Variants in F8 observed in about 807,000 individuals in gnomAD.
F8 encodes the protein antihemophilic factor.
Under a neutral mutation model 140.6 loss-of-function variants are expected in F8, and 12 were observed. That is an observed-to-expected ratio of 0.09 (90% CI 0.05 to 0.14). The LOEUF (loss-of-function observed/expected upper bound fraction) is 0.14, where lower values mean the gene tolerates loss of function less well. Among genes scored for constraint, F8 ranks in the 10% least tolerant of loss-of-function variants. F8 has a pLI of 1.00. For synonymous variants in F8, 585 were observed against 614.6 expected (o/e 0.95, Z 0.71); for missense variants, 1,354 against 1,720.7 (o/e 0.79, Z 3.77).
chrX:154,855,371 G>A (rs782365205), intron 25 of F8, among the ~76,000 whole-genome samples: 1 of 111,421 alleles, frequency 9.0e-6, no homozygotes, highest in Non-Finnish European at 1.9e-5. Context: ...ATGCCCTGAA[G>A]GAGACCCTTA....
chrX:154,985,969 G>A (rs1477722700), intron 5 of F8, among the ~76,000 whole-genome samples: 1 of 112,489 alleles, frequency 8.9e-6, no homozygotes, highest in Non-Finnish European at 1.9e-5. Flanking sequence ...GATATAGTAT[G>A]ATAAGGAATA....
At position 154,896,506 on chromosome X, in the gene F8, TACACACACACACAC is replaced by T. The variant is rs57253105; in HGVS notation, c.6274-288_6274-275del. The stretch of plus-strand genomic sequence containing the variant: ...ACCAAATCATTGAGCCCCCATTTCG[TACACACACACACAC>T]ACACACACACACACACATACACACA... On this transcript the variant is annotated intron_variant, in intron 21 of 25. Coordinates refer to ENST00000360256, the MANE Select transcript of F8 (RefSeq NM_000132.4). 5.2e-3 allele frequency among the ~76,000 whole-genome samples: 515 copies of T among 98,997 alleles called. 2 individuals are homozygous for T. The highest frequency in any genetic ancestry group is 0.018 in the African/African-American group (481 of 27,172). 86.0% of individuals were successfully genotyped at this position (98,997 alleles called of 115,157 possible).
At chrX:155,007,671 C>T (rs1360612760) in intron 1 of F8, among the ~76,000 whole-genome samples, 1 of 112,349 alleles carries the variant, frequency 8.9e-6, no homozygotes, top group Non-Finnish European at 1.9e-5. Context: ...CATAGGAGTG[C>T]GAATGCTACT....
chrX:154,910,013 G>C (rs2073057099), intron 14 of F8, among the ~76,000 whole-genome samples: 1 of 111,821 alleles, frequency 8.9e-6, no homozygotes, highest in Non-Finnish European at 1.9e-5. Context: ...GACTGTTACT[G>C]TGTCTATGTA....
At position 154,961,182 on chromosome X, in the gene F8, C is replaced by A. The variant is rs782450685; in HGVS notation, c.1444-14G>T. On this transcript the variant is annotated splice_polypyrimidine_tract_variant and intron_variant, in intron 9 of 25. Transcript: ENST00000360256. ...CTTAAATATAATCTGAAAGTATAAG[C>A]GAGATCTAAGATCAAATCCTAAAAC... 1.3e-5 allele frequency: 14 copies of A among 1,092,148 alleles called. No homozygotes were observed. The highest frequency in any genetic ancestry group is 1.7e-5 in the Non-Finnish European group (13 of 787,791). The allele number at this position is 1,092,148 out of a possible 1,213,427, so 90.0% of individuals were successfully genotyped here.
intron 25 of F8, among the ~76,000 whole-genome samples, chrX:154,843,756 T>A (rs184214075): frequency 4.5e-5 from 5 of 112,134 alleles, no homozygotes; most frequent in Admixed American, 2.8e-4. Context: ...TTCACTGGGA[T>A]GGTAGTTTCT....
intron 21 of F8, among the ~76,000 whole-genome samples, 158 bp downstream of exon 21, chrX:154,899,708 C>T (rs2073000112): frequency 8.9e-6 from 1 of 112,079 alleles, no homozygotes; most frequent in African/African-American, 3.2e-5. Context: ...AATTCTATCC[C>T]CATATCTCTT....
In F8 at chrX:154,860,844, G is replaced by A. The variant is rs148420761; in HGVS notation, c.6724-236C>T. Among the ~76,000 whole-genome samples, 907 of 110,665 alleles carry A rather than the reference G, an allele frequency of 8.2e-3. 8 individuals are homozygous for A. Among genetic ancestry groups the A allele is most frequent in the African/African-American group, 0.028 (858 of 30,418 alleles). Reference sequence around the variant, plus strand: ...TTCCCGAGTAGCTGTGGTTACAGGTGCCCACCACCATGTCCAGATAATTTT... The same window carrying A: ...TTCCCGAGTAGCTGTGGTTACAGGTACCCACCACCATGTCCAGATAATTTT... On this transcript the variant is annotated intron_variant, in intron 24 of 25. Coordinates refer to ENST00000360256, the MANE Select transcript of F8 (RefSeq NM_000132.4).
At chrX:154,977,692 T>G (rs1485053700) in intron 6 of F8, among the ~76,000 whole-genome samples, 1 of 110,373 alleles carries the variant, frequency 9.1e-6, no homozygotes, top group Non-Finnish European at 1.9e-5. Context: ...TTTTTAAATT[T>G]TTTTCTTTGA....
At chrX:154,867,547 G>A (rs1199172153) in intron 22 of F8, among the ~76,000 whole-genome samples, 1 of 108,906 alleles carries the variant, frequency 9.2e-6, no homozygotes, top group African/African-American at 3.3e-5. Context: ...AATTAGCTGG[G>A]TGTGATGGCA....
At chrX:154,844,683 G>C (rs2072549437) in intron 25 of F8, among the ~76,000 whole-genome samples, 1 of 111,827 alleles carries the variant, frequency 8.9e-6, no homozygotes, top group Admixed American at 9.5e-5. Context: ...AGCATAAGGA[G>C]ATTTTGGGCT....
At chrX:154,947,642 C>T (rs782129190) in intron 13 of F8, 56 bp downstream of exon 13, 111 of 949,740 alleles carry the variant, frequency 1.2e-4, no homozygotes, top group South Asian at 2.3e-4. Flanking sequence ...AAAGAGCATA[C>T]GAATGGCTAG....
At chrX:154,877,544 G>C (rs1251569691) in intron 22 of F8, among the ~76,000 whole-genome samples, 1 of 110,886 alleles carries the variant, frequency 9.0e-6, no homozygotes, top group Non-Finnish European at 1.9e-5. Context: ...CCAGGCTGGA[G>C]TGCAGTGGCG....
intron 22 of F8, among the ~76,000 whole-genome samples, chrX:154,866,779 C>G (rs1276135036): frequency 1.8e-5 from 2 of 108,829 alleles, no homozygotes; most frequent in Non-Finnish European, 3.8e-5. Flanking sequence ...AACTTATCAC[C>G]TCCAGGAACT....
At chrX:154,853,262 AT>A (rs2072629271) in intron 25 of F8, among the ~76,000 whole-genome samples, 1 of 110,822 alleles carries the variant, frequency 9.0e-6, no homozygotes, top group Non-Finnish European at 1.9e-5. Context: ...AATACAATTG[AT>A]TTTTGCATGT....
intron 5 of F8, among the ~76,000 whole-genome samples, chrX:154,987,034 C>T: frequency 8.9e-6 from 1 of 111,802 alleles, no homozygotes; most frequent in Middle Eastern, 4.2e-3. Flanking sequence ...GAGGCCAGTC[C>T]GTTATCCAGC....
intron 22 of F8, among the ~76,000 whole-genome samples, chrX:154,865,901 A>G (rs1557273127): frequency 9.0e-6 from 1 of 111,599 alleles, no homozygotes; most frequent in African/African-American, 3.3e-5. Context: ...CCCAGTCAAA[A>G]GACACAGAGT....
At chrX:154,953,138 A>G (rs1200563211) in intron 12 of F8, among the ~76,000 whole-genome samples, 3 of 111,742 alleles carry the variant, frequency 2.7e-5, no homozygotes, top group Admixed American at 1.9e-4. Flanking sequence ...GATTTGTGGT[A>G]TATATAAATA....
intron 22 of F8, among the ~76,000 whole-genome samples, chrX:154,867,422 A>T (rs782542986): frequency 9.0e-6 from 1 of 111,198 alleles, no homozygotes; most frequent in South Asian, 3.8e-4. Context: ...GTGGTGGCTC[A>T]AGCCTGTAAT....
Sources: allele counts gnomAD v4.1 joint callset (sites outside exome capture counted in the v4.1 genomes callset), GRCh38; gene constraint gnomAD v4.1.1; transcripts MANE v1.5; gene names NCBI Gene and HGNC (gene_info 2026-07-23, HGNC 2026-07-21).